Variants in ST3GAL6 observed in about 807,000 individuals in gnomAD.
The protein encoded by ST3GAL6 is ST3 beta-galactoside alpha-2,3-sialyltransferase 6.
In ST3GAL6, 31 loss-of-function variants were observed where a neutral mutation model predicts 40.5. That is an observed-to-expected ratio of 0.77 (90% CI 0.58 to 1.03). The LOEUF is 1.03. Ranked by LOEUF, ST3GAL6 falls within the 50% of genes least tolerant of loss-of-function variation. The probability of loss-of-function intolerance (pLI) is 0.00; values close to 1 mark genes in which losing one functional copy is unlikely to be tolerated. For missense variants in ST3GAL6, 357 were observed against 393.2 expected (o/e 0.91, Z 0.78); for synonymous variants, 129 against 136.9 (o/e 0.94, Z 0.40).
chr3:98,735,750 T>C lies in ST3GAL6; in HGVS notation c.-12+3218T>C, dbSNP rs577889677. Among the ~76,000 whole-genome samples, 3 of 152,312 alleles carry C rather than the reference T, an allele frequency of 2.0e-5. No individual in the cohort carries two copies. In the South Asian group the frequency reaches 6.2e-4, roughly 32 times the overall value. On this transcript the variant is annotated intron_variant, in intron 1 of 9. Transcript: ENST00000265261. ...CCAATTTAACCCTTAGGGGTTAAAA[T>C]GGATTTTGATTTGGAGTGAGCTTGA...
At chr3:98,759,855 G>A (rs1379286789), upstream of ST3GAL6, among the ~76,000 whole-genome samples, 1 of 152,144 alleles carries the variant, frequency 6.6e-6, no homozygotes, top group Admixed American at 6.5e-5. Flanking sequence ...TAATGTGAAT[G>A]GAGGAATCCT....
At chr3:98,780,629 A>G (rs1324383156) in intron 5 of ST3GAL6, among the ~76,000 whole-genome samples, 1 of 152,192 alleles carries the variant, frequency 6.6e-6, no homozygotes, top group African/African-American at 2.4e-5. Flanking sequence ...GAGGCTGAGT[A>G]TGAGGAATTG....
chr3:98,752,703 C>G (rs567046075), intron 1 of ST3GAL6, among the ~76,000 whole-genome samples: 3 of 152,170 alleles, frequency 2.0e-5, no homozygotes, highest in Non-Finnish European at 4.4e-5. Context: ...GATCTCCTGA[C>G]CTCGTGATCT....
intron 4 of ST3GAL6, chr3:98,773,134 T>C (rs891791615): frequency 1.3e-5 from 4 of 301,736 alleles, no homozygotes; most frequent in Non-Finnish European, 2.4e-5. Flanking sequence ...GGTAGATTTG[T>C]TGTTGTTGAG....
chr3:98,773,794 C>T, intron 4 of ST3GAL6, 126 bp from the exon 5 acceptor site: 1 of 625,998 alleles, frequency 1.6e-6, no homozygotes, highest in South Asian at 2.5e-5. Context: ...ATTAATTTTT[C>T]ACAGAATAAA....
intron 1 of ST3GAL6, among the ~76,000 whole-genome samples, chr3:98,735,808 T>C (rs1356103165): frequency 7.3e-6 from 1 of 137,000 alleles, no homozygotes; most frequent in Non-Finnish European, 1.6e-5. Context: ...TTGGATATTA[T>C]AGTGTTTTGG....
In ST3GAL6 at chr3:98,774,044, T is replaced by G. The variant is rs553674361; in HGVS notation, c.335+61T>G. On this transcript the variant is annotated intron_variant, in intron 5 of 9. Transcript: ENST00000483910. The stretch of plus-strand genomic sequence containing the variant: ...GCTTCAGCTAAGCTGGTTCAAAATA[T>G]GTACCCCAAGAAATGTAAGATGTAT... 5 of 1,337,988 alleles carry G rather than the reference T, an allele frequency of 3.7e-6. No homozygotes were observed. In the Middle Eastern group the frequency reaches 5.4e-4, roughly 146 times the overall value. 82.9% of individuals were successfully genotyped at this position (1,337,988 alleles called of 1,614,324 possible). A position where few individuals can be genotyped will look rare whatever the true frequency, so the allele number is the denominator to read the frequency against.
chr3:98,748,344 C>G (rs557817023), intron 1 of ST3GAL6, among the ~76,000 whole-genome samples: 5 of 152,282 alleles, frequency 3.3e-5, no homozygotes, highest in Admixed American at 1.3e-4. Flanking sequence ...TCTGTAGAGT[C>G]AGAATAGTAG....
At chr3:98,756,665 G>A in intron 1 of ST3GAL6, 1 of 821,506 alleles carries the variant, frequency 1.2e-6, no homozygotes, top group Non-Finnish European at 1.6e-6. Context: ...GAATACAGGT[G>A]CCTGCTATTT....
upstream of ST3GAL6, chr3:98,762,716 C>A: frequency 1.2e-6 from 1 of 806,170 alleles, no homozygotes; most frequent in Non-Finnish European, 1.5e-6. Flanking sequence ...ACAGTTCATA[C>A]TCTTAAAAAT....
At chr3:98,751,784 T>C (rs1382831061) in intron 1 of ST3GAL6, among the ~76,000 whole-genome samples, 4 of 152,176 alleles carry the variant, frequency 2.6e-5, no homozygotes, top group Non-Finnish European at 4.4e-5. Flanking sequence ...TTATGAACAA[T>C]AAGTGAGGAT....
chr3:98,788,475 T>C lies in ST3GAL6; in HGVS notation c.756+12T>C. 5 of 1,597,182 alleles carry C rather than the reference T, an allele frequency of 3.1e-6. No individual in the cohort carries two copies. The highest frequency in any genetic ancestry group is 4.3e-6 in the Non-Finnish European group (5 of 1,173,096). Reference sequence around the variant, plus strand: ...TTCCCAAAAATCAGGTATGTATTTATCTCTGCATGGTTTCAAACTACAGAT... The same window carrying C: ...TTCCCAAAAATCAGGTATGTATTTACCTCTGCATGGTTTCAAACTACAGAT... On this transcript the variant is annotated intron_variant, in intron 8 of 9. Coordinates refer to ENST00000483910, the MANE Select transcript of ST3GAL6 (RefSeq NM_001323368.2).
intron 1 of ST3GAL6, chr3:98,732,899 T>C (rs761184354): frequency 1.3e-6 from 2 of 1,508,612 alleles, no homozygotes; most frequent in African/African-American, 1.4e-5. Flanking sequence ...AGCAGCCGGC[T>C]GGAGCAGCGG....
intron 1 of ST3GAL6, among the ~76,000 whole-genome samples, chr3:98,757,692 C>G (rs1937517650): frequency 6.6e-6 from 1 of 152,080 alleles, no homozygotes; most frequent in South Asian, 2.1e-4. Flanking sequence ...TATAACTTCT[C>G]TGTGCTTTGG....
intron 1 of ST3GAL6, among the ~76,000 whole-genome samples, chr3:98,742,055 G>C (rs1936138017): frequency 1.3e-5 from 2 of 152,146 alleles, no homozygotes; most frequent in African/African-American, 2.4e-5. Flanking sequence ...AGAAAGCCAA[G>C]TGCTTTCTAT....
intron 1 of ST3GAL6, among the ~76,000 whole-genome samples, chr3:98,743,800 G>A (rs1338502340): frequency 6.6e-6 from 1 of 152,010 alleles, no homozygotes; most frequent in African/African-American, 2.4e-5. Flanking sequence ...ACATTAATTA[G>A]CGCCTGGTAT....
At chr3:98,751,199 C>T (rs1559727339) in intron 1 of ST3GAL6, among the ~76,000 whole-genome samples, 2 of 152,028 alleles carry the variant, frequency 1.3e-5, no homozygotes, top group African/African-American at 2.4e-5. Context: ...TGAGCCACTG[C>T]GCTCGTCCCA....
chr3:98,765,767 A>C lies in ST3GAL6; in HGVS notation c.-12+2328A>C, dbSNP rs544771156. ...GTCCTGTTTAATGTCAAGATCTTGA[A>C]AACTCTTTTTTTTGGTAATCAAAGC... is the stretch of plus-strand genomic sequence containing the variant. On this transcript the variant is annotated intron_variant, in intron 1 of 9. Transcript: ENST00000483910. Among the ~76,000 whole-genome samples the C allele has an allele frequency of 2.0e-5, 3 of 152,284 alleles. No individual in the cohort carries two copies. The South Asian group carries it at 6.2e-4, about 32-fold the overall frequency.
intron 5 of ST3GAL6, among the ~76,000 whole-genome samples, chr3:98,778,628 A>G (rs1033729018): frequency 3.9e-5 from 6 of 152,222 alleles, no homozygotes; most frequent in African/African-American, 1.4e-4. Context: ...ACTTTTGCCA[A>G]AGGAAATGGT....
Sources: gnomAD v4.1 joint callset for allele counts (sites outside exome capture counted in the v4.1 genomes callset) on GRCh38, gnomAD v4.1.1 for gene constraint, MANE v1.5 for transcripts, NCBI Gene and HGNC (gene_info 2026-07-23, HGNC 2026-07-21) for gene names.